GLE1: variants seen among roughly 807,000 people sequenced by gnomAD.
GLE1 encodes mRNA export factor GLE1.
Under a neutral mutation model 97.3 loss-of-function variants are expected in GLE1, and 78 were observed. That is an observed-to-expected ratio of 0.80 (90% CI 0.67 to 0.97). The LOEUF (loss-of-function observed/expected upper bound fraction) is 0.97, where lower values mean the gene tolerates loss of function less well. Ranked by LOEUF, GLE1 falls within the 50% of genes least tolerant of loss-of-function variation. GLE1 has a pLI of 0.00. For missense variants in GLE1, 753 were observed against 857.5 expected (o/e 0.88, Z 1.52); for synonymous variants, 302 against 313.4 (o/e 0.96, Z 0.39).
chr9:128,510,432 T>G (rs750341546), intron 2 of GLE1, among the ~76,000 whole-genome samples: 2 of 151,952 alleles, frequency 1.3e-5, no homozygotes, highest in Non-Finnish European at 2.9e-5. Flanking sequence ...TTTCACCATA[T>G]TGGCCTGGCT....
intron 1 of GLE1, 78 bp downstream of exon 1, chr9:128,504,982 C>T: frequency 1.1e-6 from 1 of 936,232 alleles, no homozygotes; most frequent in Non-Finnish European, 1.8e-6. Flanking sequence ...TTGGCACGTT[C>T]TGCTCCCGGG....
chr9:128,516,446 A>G (rs953260303), intron 3 of GLE1, among the ~76,000 whole-genome samples: 5 of 152,096 alleles, frequency 3.3e-5, no homozygotes, highest in African/African-American at 9.7e-5. Flanking sequence ...CAGCCTCCCA[A>G]GTAGCTGGGA....
chr9:128,527,413 C>T (rs898600052), intron 8 of GLE1, 43 bp from the exon 9 acceptor site: 2 of 1,425,222 alleles, frequency 1.4e-6, no homozygotes, highest in Non-Finnish European at 9.9e-7. Flanking sequence ...GACATCTACT[C>T]AGCTCTTCAG....
chr9:128,534,308 G>A (rs915336919), intron 11 of GLE1, among the ~76,000 whole-genome samples: 4 of 152,128 alleles, frequency 2.6e-5, no homozygotes, highest in African/African-American at 4.8e-5. Context: ...GGCGGAGGTC[G>A]CAGTGAGCCA....
At chr9:128,507,339 T>C (rs888628370) in intron 1 of GLE1, among the ~76,000 whole-genome samples, 2 of 152,018 alleles carry the variant, frequency 1.3e-5, no homozygotes, top group Non-Finnish European at 2.9e-5. Context: ...CCCAGCACTT[T>C]GGTAAGTCAA....
At position 128,515,618 on chromosome 9, in the gene GLE1, G is replaced by A; in HGVS notation, c.411G>A (p.Leu137=). The A allele has an allele frequency of 6.3e-7, 1 of 1,584,028 alleles. No homozygotes were observed. Among genetic ancestry groups the A allele is most frequent in the Non-Finnish European group, 8.7e-7 (1 of 1,152,664 alleles). The change falls in exon 3 of 16, where the codon CTG becomes CTA. Residue 137 remains leucine (L), a synonymous_variant. Coordinates refer to ENST00000309971, the MANE Select transcript of GLE1 (RefSeq NM_001003722.2). The part of the protein sequence containing the change: ...KVEGCVRMYE[L]VHRMKGTEGL... Reference sequence around the variant, plus strand: ...AAGGCTGCGTCCGAATGTACGAACTGGTACACAGAATGAAAGGAACAGTAA... The same window carrying A: ...AAGGCTGCGTCCGAATGTACGAACTAGTACACAGAATGAAAGGAACAGTAA...
At chr9:128,522,055 C>T (rs577879452) in intron 3 of GLE1, among the ~76,000 whole-genome samples, 3 of 152,084 alleles carry the variant, frequency 2.0e-5, no homozygotes, top group South Asian at 4.2e-4. Context: ...TGAGGATTTC[C>T]GTAAATTACC....
intron 9 of GLE1, among the ~76,000 whole-genome samples, chr9:128,532,021 G>A (rs1847527889): frequency 6.6e-6 from 1 of 151,418 alleles, no homozygotes; most frequent in Non-Finnish European, 1.5e-5. Flanking sequence ...TCAGCCAGTG[G>A]GGTCCACATG....
At chr9:128,522,121 T>C (rs896803258) in intron 3 of GLE1, among the ~76,000 whole-genome samples, 2 of 152,216 alleles carry the variant, frequency 1.3e-5, no homozygotes, top group African/African-American at 4.8e-5. Flanking sequence ...GGCTGTTTGA[T>C]GTCATGTTGC....
chr9:128,508,950 C>G lies in GLE1; in HGVS notation c.174C>G (p.Pro58=), dbSNP rs772263557. ...YSGWVVEHVL[P]HMQENQPLSE... ...GATGGGTGGTAGAGCACGTCCTACC[C>G]CATATGCAGGAGAACCAACCTCTGT... The change falls in exon 2 of 16, where the codon CCC becomes CCG. Residue 58 remains proline, a synonymous_variant. Transcript: ENST00000309971. The G allele has an allele frequency of 8.1e-6, 13 of 1,610,764 alleles. No homozygotes were observed. In the South Asian group the frequency reaches 1.2e-4, roughly 15 times the overall value.
intron 1 of GLE1, among the ~76,000 whole-genome samples, chr9:128,506,143 C>G (rs1846635002): frequency 1.3e-5 from 2 of 152,188 alleles, no homozygotes; most frequent in Non-Finnish European, 1.5e-5. Context: ...GTCAAGAGTT[C>G]GCGACCAGCC....
chr9:128,506,647 T>G (rs1846648208), intron 1 of GLE1, among the ~76,000 whole-genome samples: 1 of 152,218 alleles, frequency 6.6e-6, no homozygotes, highest in South Asian at 2.1e-4. Flanking sequence ...TTGAGATTCT[T>G]GATTGGGTAC....
rs756596848 is a variant in GLE1 at position 128,536,427 on chromosome 9, G to A, written c.1719G>A (p.Met573Ile). The stretch of plus-strand genomic sequence containing the variant: ...ACTTTCTAAAACGCATGTCAGGGAT[G>A]ATCCGTCTCTACGCTGCTATCATCC... ...QDNFLKRMSG[M>I]IRLYAAIIQL... is the part of the protein sequence containing the mutation. Residue 573 changes from methionine (M) to isoleucine (I), a missense_variant, in exon 12 of 16, where the codon ATG (methionine) becomes ATA (isoleucine). Coordinates refer to ENST00000309971, the MANE Select transcript of GLE1 (RefSeq NM_001003722.2). The A allele has an allele frequency of 3.1e-6, 5 of 1,614,080 alleles. No individual in the cohort carries two copies. In the East Asian group the frequency reaches 1.1e-4, roughly 36 times the overall value.
Position 128,538,160 on chromosome 9 carries a change from A to C in GLE1, c.1881+70A>C, listed in dbSNP as rs945018027. On this transcript the variant is annotated intron_variant, in intron 13 of 15. Transcript: ENST00000309971. ...TAGCCTTGATCCACTGGGTGACATG[A>C]ATGGGGAAACAGCATAGCATTTGGG... 6 of 817,522 alleles carry C rather than the reference A, an allele frequency of 7.3e-6. No individual in the cohort carries two copies. In the African/African-American group the frequency reaches 1.0e-4, roughly 14 times the overall value. 50.6% of individuals were successfully genotyped at this position (817,522 alleles called of 1,614,324 possible).
intron 11 of GLE1, among the ~76,000 whole-genome samples, chr9:128,535,920 G>A (rs566532103): frequency 2.6e-5 from 4 of 152,008 alleles, no homozygotes; most frequent in Admixed American, 2.0e-4. Flanking sequence ...AGTTTGCAGT[G>A]AGCCTTGATC....
At chr9:128,505,552 C>T (rs1454179984) in intron 1 of GLE1, among the ~76,000 whole-genome samples, 2 of 152,224 alleles carry the variant, frequency 1.3e-5, no homozygotes, top group Non-Finnish European at 2.9e-5. Context: ...ACCTTACATT[C>T]TGTAGGTTGA....
In GLE1 at chr9:128,509,029, G is replaced by A. The variant is rs1468928783; in HGVS notation, c.253G>A (p.Val85Ile). 2 of 1,613,960 alleles carry A rather than the reference G, an allele frequency of 1.2e-6. No individual in the cohort carries two copies. Among genetic ancestry groups the A allele is most frequent in the Admixed American group, 3.3e-5 (2 of 60,020 alleles). ...SASALDQPSF[V>I]PKSPDASSAF... is the part of the protein sequence containing the mutation. Reference sequence around the variant, plus strand: ...TTCAGCCCTAGATCAACCCTCATTTGTTCCCAAATCTCCTGACGCAAGCTC... The same window carrying A: ...TTCAGCCCTAGATCAACCCTCATTTATTCCCAAATCTCCTGACGCAAGCTC... Residue 85 changes from valine to isoleucine, a missense_variant, in exon 2 of 16, where the codon GTT becomes ATT. Coordinates refer to ENST00000309971, the MANE Select transcript of GLE1 (RefSeq NM_001003722.2).
At chr9:128,531,657 C>A (rs1847512308) in intron 9 of GLE1, among the ~76,000 whole-genome samples, 1 of 150,928 alleles carries the variant, frequency 6.6e-6, no homozygotes. Context: ...CATGGTGAAA[C>A]CCCGTGTCTA....
intron 7 of GLE1, 35 bp from the exon 8 acceptor site, chr9:128,527,144 C>A: frequency 9.2e-7 from 1 of 1,088,360 alleles, no homozygotes; most frequent in Non-Finnish European, 1.4e-6. Context: ...TCAGTAAATA[C>A]TAGCTATTAC....
Sources: allele counts gnomAD v4.1 joint callset (sites outside exome capture counted in the v4.1 genomes callset), GRCh38; gene constraint gnomAD v4.1.1; transcripts MANE v1.5; gene names NCBI Gene and HGNC (gene_info 2026-07-23, HGNC 2026-07-21).